The following ANKFY1 variants were observed in gnomAD, a reference collection of about 807,000 sequenced individuals.
ANKFY1 encodes the protein ankyrin repeat and FYVE domain-containing protein 1.
ANKFY1 carries 47 observed loss-of-function variants against 128.3 expected under a neutral mutation model. That is an observed-to-expected ratio of 0.37 (90% CI 0.29 to 0.47). The LOEUF (loss-of-function observed/expected upper bound fraction) is 0.47. Among genes scored for constraint, ANKFY1 ranks in the 20% least tolerant of loss-of-function variants. The pLI, the probability that ANKFY1 is intolerant of heterozygous loss-of-function variation, is 1.00. For missense variants in ANKFY1, 1,222 were observed against 1,510.6 expected (o/e 0.81, Z 3.17); for synonymous variants, 553 against 601.6 (o/e 0.92, Z 1.18).
chr17:4,189,449 G>A lies in ANKFY1; in HGVS notation c.1403C>T (p.Ala468Val). 6.3e-7 allele frequency: 1 copy of A among 1,589,394 alleles called. No homozygotes were observed. Among genetic ancestry groups the A allele is most frequent in the South Asian group, 1.1e-5 (1 of 87,982 alleles). Residue 468 changes from alanine (A) to valine (V), a missense_variant, in exon 11 of 25, where the codon GCA (alanine) becomes GTA (valine). Physicochemically the swap from Ala to Val is moderately conservative, Grantham distance 64. Coordinates refer to ENST00000341657, the MANE Select transcript of ANKFY1 (RefSeq NM_001330063.2). The stretch of plus-strand genomic sequence containing the variant: ...GAAAAGAGCTGCTGCCTCGTTTCCT[G>A]CTCCAGCTGCCCGCTGTAGTAAACA... ...GNCLLQRAAG[A>V]GNEAAALFLA...
At chr17:4,222,895 C>T in intron 3 of ANKFY1, 1 of 1,032,186 alleles carries the variant, frequency 9.7e-7, no homozygotes, top group Non-Finnish European at 1.5e-6. Context: ...CCCAACAATC[C>T]AACTCCTATC....
At chr17:4,254,066 G>A (rs892389881) in intron 1 of ANKFY1, among the ~76,000 whole-genome samples, 10 of 152,166 alleles carry the variant, frequency 6.6e-5, no homozygotes, top group Non-Finnish European at 1.5e-4. Flanking sequence ...AGCACTTTGA[G>A]AAGCCAAGGT....
rs559939958 is a variant in ANKFY1 at position 4,261,007 on chromosome 17, T to A, written c.10+2925A>T. 2.4e-4 allele frequency among the ~76,000 whole-genome samples: 37 copies of A among 152,330 alleles called. No homozygotes were observed. The South Asian group carries it at 7.7e-3, about 32-fold the overall frequency. On this transcript the variant is annotated intron_variant, in intron 1 of 24. Transcript: ENST00000341657. Reference sequence around the variant, plus strand: ...GCATAGCAGGCTCTGAGAATCTGATTAAAGCACAAGCAGTAGTATTAATAT... The same window carrying A: ...GCATAGCAGGCTCTGAGAATCTGATAAAAGCACAAGCAGTAGTATTAATAT...
intron 1 of ANKFY1, among the ~76,000 whole-genome samples, chr17:4,244,294 T>C (rs1342197625): frequency 6.6e-6 from 1 of 152,144 alleles, no homozygotes; most frequent in African/African-American, 2.4e-5. Context: ...AATGCAAAAT[T>C]ACAACTCTAC....
chr17:4,236,707 T>C (rs1966926189), intron 2 of ANKFY1, among the ~76,000 whole-genome samples: 1 of 152,152 alleles, frequency 6.6e-6, no homozygotes, highest in Admixed American at 6.6e-5. Flanking sequence ...CTTGTAGTTA[T>C]ATGTTTTATT....
At position 4,173,981 on chromosome 17, in the gene ANKFY1, G is replaced by C. The variant is rs369493521; in HGVS notation, c.2851C>G (p.Leu951Val). The C allele has an allele frequency of 1.2e-6, 2 of 1,614,110 alleles. No individual in the cohort carries two copies. The highest frequency in any genetic ancestry group is 1.7e-5 in the Admixed American group (1 of 60,012). ...AGGAGGACTGAGCAGATGGTGGGCAGGTCCTGCTGGGCAGCAAGATGGAGG... is the reference window on the plus strand; with the variant it reads ...AGGAGGACTGAGCAGATGGTGGGCACGTCCTGCTGGGCAGCAAGATGGAGG... Reference protein sequence around the residue: ...TALHLAAQQDLPTICSVLLEN... With the variant: ...TALHLAAQQDVPTICSVLLEN... The change falls in exon 20 of 25, where the codon CTG becomes GTG. Residue 951 changes from leucine (L) to valine (V), a missense_variant. Coordinates refer to ENST00000341657, the MANE Select transcript of ANKFY1 (RefSeq NM_001330063.2).
chr17:4,232,522 T>C (rs1042444971), intron 3 of ANKFY1, among the ~76,000 whole-genome samples: 1 of 152,250 alleles, frequency 6.6e-6, no homozygotes, highest in Admixed American at 6.5e-5. Flanking sequence ...CACAGGTGCT[T>C]GATCTGTGAA....
intron 3 of ANKFY1, among the ~76,000 whole-genome samples, chr17:4,224,149 C>A (rs1337883703): frequency 6.7e-6 from 1 of 148,380 alleles, no homozygotes. Context: ...AAGTAGCTAT[C>A]TTAGTGCCAA....
chr17:4,255,483 G>A (rs774161402), intron 1 of ANKFY1, among the ~76,000 whole-genome samples: 5 of 151,996 alleles, frequency 3.3e-5, no homozygotes, highest in Non-Finnish European at 5.9e-5. Context: ...CTCCTGACCT[G>A]AGGTGATCCC....
chr17:4,259,532 T>C (rs1968295608), intron 1 of ANKFY1, among the ~76,000 whole-genome samples: 1 of 152,214 alleles, frequency 6.6e-6, no homozygotes, highest in South Asian at 2.1e-4. Flanking sequence ...TCCGCCCACC[T>C]TGGCCTCCCA....
intron 7 of ANKFY1, among the ~76,000 whole-genome samples, chr17:4,201,073 C>G (rs188719184): frequency 4.6e-5 from 7 of 152,276 alleles, no homozygotes; most frequent in Admixed American, 4.6e-4. Flanking sequence ...CTCTGTTGGT[C>G]AAGCTGGAGT....
At chr17:4,187,500 C>T (rs2143006615) in intron 11 of ANKFY1, 2 of 376,610 alleles carry the variant, frequency 5.3e-6, no homozygotes, top group South Asian at 1.5e-4. Flanking sequence ...AAAGCCCACA[C>T]AGCGGAAGCC....
chr17:4,244,973 C>T (rs1414373797), intron 1 of ANKFY1, among the ~76,000 whole-genome samples: 1 of 152,060 alleles, frequency 6.6e-6, no homozygotes, highest in African/African-American at 2.4e-5. Flanking sequence ...CTGCCATTCC[C>T]TCTTCTGTCC....
chr17:4,179,253 C>A, intron 17 of ANKFY1, 196 bp from the exon 18 acceptor site: 1 of 635,032 alleles, frequency 1.6e-6, no homozygotes, highest in Non-Finnish European at 2.7e-6. Flanking sequence ...TTCCAGTGAC[C>A]CAGTGGTGAC....
chr17:4,218,485 G>A (rs921605943), intron 3 of ANKFY1, among the ~76,000 whole-genome samples: 5 of 152,286 alleles, frequency 3.3e-5, no homozygotes, highest in East Asian at 1.9e-4. Context: ...AGTGGCTCAC[G>A]CCTGTAATCT....
intron 23 of ANKFY1, 36 bp downstream of exon 23, chr17:4,170,679 T>C (rs1244853219): frequency 6.3e-7 from 1 of 1,586,034 alleles, no homozygotes; most frequent in South Asian, 1.2e-5. Context: ...ACTACGACTG[T>C]GCTTGCACTG....
chr17:4,241,266 CTTCTTCTTCTTTTTTTTT>C (rs1967200287), intron 2 of ANKFY1, among the ~76,000 whole-genome samples: 1 of 77,312 alleles, frequency 1.3e-5, no homozygotes, highest in South Asian at 5.2e-4. Flanking sequence ...GCTTCTTCTT[CTTCTTCTTCTTTTTTTTT>C]TTTTTTTTTT....
At chr17:4,236,715 A>C (rs2143304090) in intron 2 of ANKFY1, among the ~76,000 whole-genome samples, 1 of 152,084 alleles carries the variant, frequency 6.6e-6, no homozygotes, top group Middle Eastern at 3.4e-3. Context: ...TATATGTTTT[A>C]TTTTCATATT....
chr17:4,195,368 ACCGCCT>A, intron 9 of ANKFY1, 29 bp downstream of exon 9: 1 of 1,601,704 alleles, frequency 6.2e-7, no homozygotes, highest in Non-Finnish European at 8.5e-7. Flanking sequence ...CCCCCTCACA[ACCGCCT>A]TCTCACTTGT....
Sources: gnomAD v4.1 joint callset for allele counts (sites outside exome capture counted in the v4.1 genomes callset) on GRCh38, gnomAD v4.1.1 for gene constraint, MANE v1.5 for transcripts, NCBI Gene and HGNC (gene_info 2026-07-23, HGNC 2026-07-21) for gene names.